The following GDPD4 variants were observed in gnomAD, a reference collection of about 807,000 sequenced individuals.
GDPD4 encodes the protein glycerophosphodiester phosphodiesterase domain containing 4, also known as glycerophosphodiester phosphodiesterase 6.
In GDPD4, 60 loss-of-function variants were observed where a neutral mutation model predicts 67.8. That is an observed-to-expected ratio of 0.88 (90% CI 0.72 to 1.10). GDPD4 has a LOEUF of 1.10. Among genes scored for constraint, GDPD4 ranks in the 50% least tolerant of loss-of-function variants. GDPD4 has a pLI of 0.00. For missense variants in GDPD4, 623 were observed against 613.9 expected (o/e 1.01, Z -0.16); for synonymous variants, 212 against 210.9 (o/e 1.00, Z -0.04).
intron 13 of GDPD4, among the ~76,000 whole-genome samples, chr11:77,238,325 T>C (rs917878136): frequency 9.9e-5 from 15 of 152,194 alleles, no homozygotes; most frequent in African/African-American, 3.6e-4. Flanking sequence ...GGCTCATGCC[T>C]GTAATCCCAG....
rs756662874 is a variant in GDPD4 at position 77,268,456 on chromosome 11, C to T, written c.707+1G>A. 3.7e-6 allele frequency: 6 copies of T among 1,604,546 alleles called. No individual in the cohort carries two copies. In the Admixed American group the frequency reaches 1.0e-4, roughly 27 times the overall value. On this transcript the variant is annotated splice_donor_variant, in intron 10 of 16. Transcript: ENST00000315938. LOFTEE classifies it high-confidence loss of function. ...CTCACCCCAGTTCCCTGCTTTCTTA[C>T]CTTAAGTGTATATCAGTCTCCAATC... is the stretch of plus-strand genomic sequence containing the variant.
At chr11:77,221,176 T>G (rs1049458585) in intron 16 of GDPD4, among the ~76,000 whole-genome samples, 1 of 152,210 alleles carries the variant, frequency 6.6e-6, no homozygotes, top group African/African-American at 2.4e-5. Flanking sequence ...ATTTTATCTT[T>G]TCAAAAAACC....
At chr11:77,288,065 C>CAT in intron 1 of GDPD4, among the ~76,000 whole-genome samples, 1 of 152,296 alleles carries the variant, frequency 6.6e-6, no homozygotes, top group East Asian at 1.9e-4. Context: ...CTGTGTACAT[C>CAT]ATCAAGGAGC....
intron 4 of GDPD4, among the ~76,000 whole-genome samples, chr11:77,276,752 AAAG>A (rs1221519352): frequency 6.6e-6 from 1 of 152,214 alleles, no homozygotes; most frequent in East Asian, 1.9e-4. Flanking sequence ...AAGTCAGTGT[AAAG>A]ACAGAAATTG....
At chr11:77,246,316 C>G (rs1958784578) in intron 11 of GDPD4, among the ~76,000 whole-genome samples, 1 of 152,098 alleles carries the variant, frequency 6.6e-6, no homozygotes, top group African/African-American at 2.4e-5. Context: ...CTAAAAAAAT[C>G]AATAAATAAA....
At chr11:77,229,043 C>T (rs1958402694) in intron 15 of GDPD4, 107 bp downstream of exon 15, 2 of 582,908 alleles carry the variant, frequency 3.4e-6, no homozygotes, top group Non-Finnish European at 6.0e-6. Flanking sequence ...TAAACGCCAT[C>T]TTGCCATGTG....
rs529804207 is a variant in GDPD4 at position 77,283,013 on chromosome 11, A to G, written c.53+2072T>C. 2.6e-5 allele frequency among the ~76,000 whole-genome samples: 4 copies of G among 152,334 alleles called. No homozygotes were observed. The East Asian group carries it at 7.7e-4, about 29-fold the overall frequency. ...AAGTTAAAAACATATGAAGAAAATGAAAGACTATGCTGCAACTTTGCACTA... is the reference window on the plus strand; with the variant it reads ...AAGTTAAAAACATATGAAGAAAATGGAAGACTATGCTGCAACTTTGCACTA... On this transcript the variant is annotated intron_variant, in intron 3 of 16. Coordinates refer to ENST00000315938, the MANE Select transcript of GDPD4 (RefSeq NM_182833.3).
At chr11:77,252,059 T>TG (rs1555118952) in intron 11 of GDPD4, among the ~76,000 whole-genome samples, 3 of 91,434 alleles carry the variant, frequency 3.3e-5, no homozygotes, top group Non-Finnish European at 5.4e-5. Flanking sequence ...TGTTTGTTTT[T>TG]TTTTTGTTTT....
intron 1 of GDPD4, among the ~76,000 whole-genome samples, chr11:77,298,970 T>C (rs1252173546): frequency 6.6e-6 from 1 of 152,154 alleles, no homozygotes; most frequent in Non-Finnish European, 1.5e-5. Flanking sequence ...AAAACCCATC[T>C]GATGAGAATT....
At chr11:77,248,768 C>T (rs947303555) in intron 11 of GDPD4, among the ~76,000 whole-genome samples, 2 of 151,432 alleles carry the variant, frequency 1.3e-5, no homozygotes, top group African/African-American at 2.4e-5. Flanking sequence ...GTTGCCCAGG[C>T]TGGAGTACAA....
intron 4 of GDPD4, among the ~76,000 whole-genome samples, chr11:77,278,323 A>G (rs1470956813): frequency 6.6e-6 from 1 of 152,116 alleles, no homozygotes; most frequent in African/African-American, 2.4e-5. Context: ...AAGACAGCCT[A>G]TATTTTTCTG....
At chr11:77,301,543 TAGAACTTCCTGCTTCTG>T (rs1938160856) in intron 1 of GDPD4, 45 bp downstream of exon 1, 1 of 152,146 alleles carries the variant, frequency 6.6e-6, no homozygotes, top group African/African-American at 2.4e-5. Flanking sequence ...ATAATACTAA[TAGAACTTCCTGCTTCTG>T]GTGCTGCTTA....
intron 1 of GDPD4, among the ~76,000 whole-genome samples, chr11:77,290,973 A>G (rs537684314): frequency 6.6e-6 from 1 of 152,334 alleles, no homozygotes; most frequent in East Asian, 1.9e-4. Context: ...TTCTCAAAAA[A>G]CTAAAATATT....
At chr11:77,256,916 T>G (rs1216457841) in intron 11 of GDPD4, among the ~76,000 whole-genome samples, 2 of 152,266 alleles carry the variant, frequency 1.3e-5, no homozygotes, top group South Asian at 4.1e-4. Flanking sequence ...AATTACCCAG[T>G]CTCAGGTATT....
intron 13 of GDPD4, among the ~76,000 whole-genome samples, chr11:77,242,648 G>A (rs149747218): frequency 1.3e-5 from 2 of 151,688 alleles, no homozygotes; most frequent in African/African-American, 4.8e-5. Flanking sequence ...TCAATCTCAG[G>A]ATTAAGAGAG....
chr11:77,276,439 ACCT>A (rs764439311), intron 4 of GDPD4, among the ~76,000 whole-genome samples: 3 of 151,642 alleles, frequency 2.0e-5, no homozygotes, highest in Non-Finnish European at 4.4e-5. Context: ...TTCAAATCTC[ACCT>A]CCTATTTATA....
rs1958134170 is a variant in GDPD4, at chr11:77,217,060, C to T, written c.*217G>A. The T allele has an allele frequency of 1.4e-6, 1 of 704,224 alleles. No individual in the cohort carries two copies. Among genetic ancestry groups the T allele is most frequent in the African/African-American group, 1.7e-5 (1 of 57,200 alleles). 43.6% of individuals were successfully genotyped at this position (704,224 alleles called of 1,614,324 possible). On this transcript the variant is annotated 3_prime_UTR_variant, in exon 17 of 17. Transcript: ENST00000315938. ...TGGGTGCTTGGGTGAGTTCAAAGAC[C>T]ACGGTGGGCATCGGTGGTTGAATCT...
chr11:77,217,993 A>T (rs1184509087), intron 16 of GDPD4, among the ~76,000 whole-genome samples: 3 of 144,796 alleles, frequency 2.1e-5, no homozygotes, highest in African/African-American at 8.6e-5. Flanking sequence ...TATTTTTATT[A>T]ATTAATTTTT....
At chr11:77,251,121 G>A (rs1352723461) in intron 11 of GDPD4, among the ~76,000 whole-genome samples, 1 of 152,096 alleles carries the variant, frequency 6.6e-6, no homozygotes, top group Non-Finnish European at 1.5e-5. Flanking sequence ...TCATTCAAGT[G>A]ACTAATTGGT....
Sources: gnomAD v4.1 joint callset for allele counts (sites outside exome capture counted in the v4.1 genomes callset) on GRCh38, gnomAD v4.1.1 for gene constraint, MANE v1.5 for transcripts, NCBI Gene and HGNC (gene_info 2026-07-23, HGNC 2026-07-21) for gene names.